WAPL: variants seen among roughly 807,000 people sequenced by gnomAD.
WAPL encodes wings apart-like protein homolog.
WAPL carries 5 observed loss-of-function variants against 121.0 expected under a neutral mutation model. That is an observed-to-expected ratio of 0.04 (90% CI 0.02 to 0.09). The LOEUF (loss-of-function observed/expected upper bound fraction) is 0.09, where lower values mean the gene tolerates loss of function less well. WAPL is among the 10% of genes least tolerant of loss of function. The probability of loss-of-function intolerance (pLI) is 1.00; values close to 1 mark genes in which losing one functional copy is unlikely to be tolerated. For synonymous variants in WAPL, 480 were observed against 481.5 expected (o/e 1.00, Z 0.04); for missense variants, 999 against 1,410.8 (o/e 0.71, Z 4.68).
intron 4 of WAPL, among the ~76,000 whole-genome samples, chr10:86,475,196 C>A (rs1019750837): frequency 1.3e-5 from 2 of 152,064 alleles, no homozygotes; most frequent in African/African-American, 2.4e-5. Context: ...AAGAACAAAA[C>A]CCTCACTTTC....
In WAPL at chr10:86,437,481, G is replaced by C. The variant is rs762229499; in HGVS notation, c.*62C>G. 1 of 1,548,380 alleles carries C rather than the reference G, an allele frequency of 6.5e-7. No homozygotes were observed. Among genetic ancestry groups the C allele is most frequent in the Non-Finnish European group, 8.8e-7 (1 of 1,135,240 alleles). On this transcript the variant is annotated 3_prime_UTR_variant, in exon 19 of 19. Coordinates refer to ENST00000298767, the MANE Select transcript of WAPL (RefSeq NM_015045.5). ...TCTTCAAGGACTTCTTTCATGACTT[G>C]ACTTTTCTTTGTCTAAGGATAGCTC... is the stretch of plus-strand genomic sequence containing the variant.
intron 2 of WAPL, among the ~76,000 whole-genome samples, chr10:86,501,394 G>A (rs1842244485): frequency 6.6e-6 from 1 of 152,250 alleles, no homozygotes; most frequent in African/African-American, 2.4e-5. Flanking sequence ...GGTATGTGGA[G>A]AATTCATTTT....
At chr10:86,440,020 T>C (rs965412673) in intron 17 of WAPL, among the ~76,000 whole-genome samples, 2 of 152,240 alleles carry the variant, frequency 1.3e-5, no homozygotes, top group Non-Finnish European at 2.9e-5. Context: ...TTAATCATAA[T>C]AATCTCCAAG....
chr10:86,471,953 A>AT (rs34017842), intron 7 of WAPL, among the ~76,000 whole-genome samples: 5 of 147,862 alleles, frequency 3.4e-5, no homozygotes, highest in Non-Finnish European at 6.0e-5. Flanking sequence ...CTTTAGCGTA[A>AT]TTTTTTTTTT....
intron 12 of WAPL, 143 bp from the exon 13 acceptor site, chr10:86,453,974 G>A: frequency 1.4e-6 from 1 of 712,246 alleles, no homozygotes; most frequent in East Asian, 3.2e-5. Flanking sequence ...CTTATTCAAG[G>A]AATGTTAAAA....
At position 86,438,253 on chromosome 10, in the gene WAPL, CTTTTTT is replaced by C. The variant is rs11402864; in HGVS notation, c.3412-244_3412-239del. 2.1e-3 allele frequency among the ~76,000 whole-genome samples: 295 copies of C among 138,546 alleles called. 8 individuals are homozygous for C. The South Asian group carries it at 0.062, about 29-fold the overall frequency. The allele number at this position is 138,546 out of a possible 152,430, so 90.9% of individuals were successfully genotyped here. ...AAAGAAATATTTGTGTACACATTTACTTTTTTTTTTTTTTTTTTAAATGAAACAGTC... is the reference window on the plus strand; with the variant it reads ...AAAGAAATATTTGTGTACACATTTACTTTTTTTTTTTTAAATGAAACAGTC... On this transcript the variant is annotated intron_variant, in intron 17 of 18. Transcript: ENST00000298767.
At chr10:86,483,523 T>C (rs1475945441) in intron 4 of WAPL, among the ~76,000 whole-genome samples, 3 of 152,158 alleles carry the variant, frequency 2.0e-5, no homozygotes, top group Non-Finnish European at 4.4e-5. Context: ...GTATTTACTA[T>C]ATTTTAACCA....
At chr10:86,499,670 G>A (rs1842209325) in intron 3 of WAPL, 48 bp downstream of exon 3, 6 of 1,515,012 alleles carry the variant, frequency 4.0e-6, no homozygotes, top group Non-Finnish European at 5.3e-6. Flanking sequence ...GAAACTGCAG[G>A]TAAGGGGGAA....
chr10:86,497,294 C>A lies in WAPL; in HGVS notation c.1551G>T (p.Leu517Phe), dbSNP rs374123980. ...NAENLDFTED[L>F]PGVPESVKKP... ...TCTTCACACTTTCAGGCACACCAGG[C>A]AAGTCCTCTGTAAAATCCAAGTTTT... The change falls in exon 4 of 19, where the codon TTG (leucine) becomes TTT (phenylalanine). Residue 517 changes from leucine to phenylalanine, a missense_variant. Transcript: ENST00000298767. The A allele has an allele frequency of 1.9e-6, 3 of 1,610,116 alleles. No individual in the cohort carries two copies. Among genetic ancestry groups the A allele is most frequent in the African/African-American group, 1.3e-5 (1 of 74,602 alleles).
intron 2 of WAPL, among the ~76,000 whole-genome samples, chr10:86,516,562 C>T (rs1237280905): frequency 5.3e-5 from 8 of 152,054 alleles, no homozygotes; most frequent in Non-Finnish European, 1.0e-4. Context: ...CAGTATACTG[C>T]CACCCTTATC....
chr10:86,506,097 T>G (rs1336213171), intron 2 of WAPL, among the ~76,000 whole-genome samples: 2 of 152,122 alleles, frequency 1.3e-5, no homozygotes, highest in East Asian at 3.9e-4. Flanking sequence ...TAGCTGACTG[T>G]GATGGTACAC....
At chr10:86,459,168 G>T in intron 11 of WAPL, 103 bp from the exon 12 acceptor site, 2 of 856,554 alleles carry the variant, frequency 2.3e-6, no homozygotes, top group East Asian at 2.6e-5. Context: ...AGATGAGGAA[G>T]AAACAGCCCT....
intron 2 of WAPL, among the ~76,000 whole-genome samples, chr10:86,515,600 C>T (rs1308238004): frequency 2.0e-5 from 3 of 151,812 alleles, no homozygotes; most frequent in South Asian, 2.1e-4. Context: ...CTGGCCAACA[C>T]GGTGAAAACC....
At chr10:86,507,846 G>T (rs927760783) in intron 2 of WAPL, among the ~76,000 whole-genome samples, 2 of 151,514 alleles carry the variant, frequency 1.3e-5, no homozygotes, top group African/African-American at 4.9e-5. Context: ...CTATTCATTA[G>T]CCCTGTCCGG....
rs138734083 is a variant in WAPL, at chr10:86,453,657, A to G, written c.2832T>C (p.Asn944=). The change falls in exon 13 of 19, where the codon AAT becomes AAC. Residue 944 remains asparagine (N), a splice_region_variant and synonymous_variant. Coordinates refer to ENST00000298767, the MANE Select transcript of WAPL (RefSeq NM_015045.5). ...GAAAAAAATGGAAAAAAATCTTACCATTATCATTAGTTAAATTAAGCAACA... is the reference window on the plus strand; with the variant it reads ...GAAAAAAATGGAAAAAAATCTTACCGTTATCATTAGTTAAATTAAGCAACA... ...IGVLLNLTND[N]EWGSTKTGEQ... The G allele has an allele frequency of 2.9e-3, 4,678 of 1,598,926 alleles. 8 individuals are homozygous for G. Among genetic ancestry groups the G allele is most frequent in the Non-Finnish European group, 3.4e-3 (3,998 of 1,175,084 alleles).
At chr10:86,477,382 A>T (rs1841683235) in intron 4 of WAPL, among the ~76,000 whole-genome samples, 1 of 152,236 alleles carries the variant, frequency 6.6e-6, no homozygotes. Flanking sequence ...ATCATACAGC[A>T]ATCAACTTTC....
At position 86,435,893 on chromosome 10, in the gene WAPL, C is replaced by T. The variant is rs1896513; in HGVS notation, c.*1650G>A. On this transcript the variant is annotated 3_prime_UTR_variant, in exon 19 of 19. Transcript: ENST00000298767. ...ATAAAATATAACTAATTTAATTTTACGGGTATCATTTACCAATATGTTTTT... is the reference window on the plus strand; with the variant it reads ...ATAAAATATAACTAATTTAATTTTATGGGTATCATTTACCAATATGTTTTT... The T allele has an allele frequency of 0.96, 146,513 of 152,326 alleles. 70,603 individuals are homozygous for T. The highest frequency in any genetic ancestry group is 1 in the East Asian group (5,188 of 5,192). 9.4% of individuals were successfully genotyped at this position (152,326 alleles called of 1,614,324 possible).
intron 16 of WAPL, among the ~76,000 whole-genome samples, chr10:86,445,849 T>C (rs1239607808): frequency 6.6e-6 from 1 of 152,202 alleles, no homozygotes; most frequent in African/African-American, 2.4e-5. Flanking sequence ...CATCTAGTAC[T>C]TACACTTTGA....
At chr10:86,451,335 G>C (rs1045680076) in intron 15 of WAPL, among the ~76,000 whole-genome samples, 3 of 151,954 alleles carry the variant, frequency 2.0e-5, no homozygotes, top group Non-Finnish European at 4.4e-5. Flanking sequence ...GCAAAATAAA[G>C]TAAGAATGCA....
Sources: gnomAD v4.1 joint callset for allele counts (sites outside exome capture counted in the v4.1 genomes callset) on GRCh38, gnomAD v4.1.1 for gene constraint, MANE v1.5 for transcripts, NCBI Gene and HGNC (gene_info 2026-07-23, HGNC 2026-07-21) for gene names.